FGF13: variants seen among roughly 807,000 people sequenced by gnomAD.
FGF13 encodes the protein fibroblast growth factor homologous factor 2.
FGF13 carries 2 observed loss-of-function variants against 19.5 expected under a neutral mutation model. The observed-to-expected ratio is 0.10, with a 90% CI of 0.04 to 0.32. The LOEUF is 0.32. Ranked by LOEUF, FGF13 falls within the 10% of genes least tolerant of loss-of-function variation. The pLI is 1.00. For synonymous variants in FGF13, 72 were observed against 76.9 expected (o/e 0.94, Z 0.33); for missense variants, 113 against 192.7 (o/e 0.59, Z 2.45).
At chrX:138,927,869 C>A (rs1384681185) in intron 1 of FGF13, among the ~76,000 whole-genome samples, 1 of 111,903 alleles carries the variant, frequency 8.9e-6, no homozygotes, top group Non-Finnish European at 1.9e-5. Flanking sequence ...TAAAATTTCA[C>A]ATCATTTTCC....
chrX:139,151,953 G>T (rs2083937556), intron 1 of FGF13, among the ~76,000 whole-genome samples: 1 of 111,525 alleles, frequency 9.0e-6, no homozygotes, highest in African/African-American at 3.3e-5. Context: ...AAATGTCATG[G>T]TATTAAAATG....
chrX:138,690,007 C>T, intron 3 of FGF13, among the ~76,000 whole-genome samples: 1 of 111,820 alleles, frequency 8.9e-6, no homozygotes, highest in Admixed American at 9.5e-5. Flanking sequence ...TAGAGGAGTA[C>T]AGAGAAACAT....
chrX:139,104,928 T>C (rs1603202711), intron 1 of FGF13, among the ~76,000 whole-genome samples: 1 of 111,727 alleles, frequency 9.0e-6, no homozygotes, highest in East Asian at 2.8e-4. Flanking sequence ...ACTCCACTCC[T>C]TTTACAGAGA....
intron 1 of FGF13, among the ~76,000 whole-genome samples, chrX:138,980,381 C>T (rs936284367): frequency 8.9e-6 from 1 of 111,841 alleles, no homozygotes; most frequent in Non-Finnish European, 1.9e-5. Flanking sequence ...CTTTCAAATT[C>T]TTAAGTAGAA....
chrX:138,706,250 CATA>C (rs1435091796), intron 2 of FGF13, among the ~76,000 whole-genome samples: 9 of 112,543 alleles, frequency 8.0e-5, no homozygotes, highest in African/African-American at 2.9e-4. Context: ...CCAGGGCAGA[CATA>C]ATAAAATTAC....
chrX:138,951,234 C>T (rs2091809620), intron 1 of FGF13, among the ~76,000 whole-genome samples: 2 of 111,525 alleles, frequency 1.8e-5, no homozygotes, highest in Non-Finnish European at 3.8e-5. Flanking sequence ...ACTCTGATAA[C>T]AATTATCTCA....
intron 3 of FGF13, among the ~76,000 whole-genome samples, chrX:138,637,412 A>T (rs2089196626): frequency 4.4e-5 from 5 of 112,423 alleles, no homozygotes; most frequent in Admixed American, 3.8e-4. Flanking sequence ...CCTTTCATAA[A>T]GAATCAAACC....
chrX:138,871,422 G>T (rs771345223), intron 1 of FGF13, among the ~76,000 whole-genome samples: 374 of 111,946 alleles, frequency 3.3e-3, no homozygotes, highest in Non-Finnish European at 5.3e-3. Context: ...ACATTTGAGG[G>T]TGGTGAGGAG....
In FGF13 at chrX:138,632,804, C is replaced by A; in HGVS notation, c.*46G>T. 1 of 1,171,843 alleles carries A rather than the reference C, an allele frequency of 8.5e-7. No homozygotes were observed. The highest frequency in any genetic ancestry group is 1.1e-6 in the Non-Finnish European group (1 of 870,355). ...GACTGCTAGAAGAATTCAACAGCAC[C>A]TGGAGGTAAGGTTCTGTTACAGAGC... On this transcript the variant is annotated 3_prime_UTR_variant, in exon 5 of 5. Transcript: ENST00000315930.
intron 1 of FGF13, among the ~76,000 whole-genome samples, chrX:139,146,184 C>T (rs1422303763): frequency 4.5e-5 from 5 of 111,718 alleles, no homozygotes; most frequent in Non-Finnish European, 7.5e-5. Flanking sequence ...GAACAGGCAA[C>T]CTACAGAATG....
At chrX:139,170,877 C>T (rs1446922898) in intron 1 of FGF13, among the ~76,000 whole-genome samples, 2 of 111,745 alleles carry the variant, frequency 1.8e-5, no homozygotes, top group Non-Finnish European at 1.9e-5. Flanking sequence ...CCTGACCTCC[C>T]GTCATTTCCC....
chrX:138,728,588 G>C (rs1275479015), intron 1 of FGF13, among the ~76,000 whole-genome samples: 2 of 110,686 alleles, frequency 1.8e-5, no homozygotes, highest in Middle Eastern at 4.2e-3. Flanking sequence ...CCACACTCTA[G>C]GCTTTACAAT....
intron 1 of FGF13, among the ~76,000 whole-genome samples, chrX:138,720,373 A>T (rs1301583077): frequency 1.8e-5 from 2 of 112,140 alleles, no homozygotes; most frequent in African/African-American, 3.2e-5. Context: ...AACCTTATGA[A>T]CTTATCTCCA....
chrX:139,078,052 T>TTTTG (rs747190110), intron 1 of FGF13, among the ~76,000 whole-genome samples: 4 of 110,835 alleles, frequency 3.6e-5, no homozygotes, highest in South Asian at 3.8e-4. Context: ...TGTGGTGGAT[T>TTTTG]TTTGTTTGTT....
At chrX:138,887,495 G>A (rs1401636407) in intron 1 of FGF13, among the ~76,000 whole-genome samples, 2 of 111,304 alleles carry the variant, frequency 1.8e-5, no homozygotes, top group East Asian at 5.7e-4. Context: ...ACCATGAAAA[G>A]AGCACTGGAC....
At chrX:139,041,007 A>G (rs2124403229) in intron 1 of FGF13, among the ~76,000 whole-genome samples, 1 of 100,153 alleles carries the variant, frequency 1.0e-5, no homozygotes, top group East Asian at 3.4e-4. Context: ...TTGAATGATA[A>G]GAACACATGG....
intron 2 of FGF13, among the ~76,000 whole-genome samples, chrX:138,859,816 G>A (rs1380092904): frequency 1.8e-5 from 2 of 112,270 alleles, no homozygotes; most frequent in Non-Finnish European, 3.8e-5. Flanking sequence ...TAAAAGTGCA[G>A]GATAATTGCT....
At chrX:138,721,896 C>A (rs1008395357) in intron 1 of FGF13, among the ~76,000 whole-genome samples, 3 of 110,085 alleles carry the variant, frequency 2.7e-5, no homozygotes, top group African/African-American at 9.9e-5. Flanking sequence ...TCATAACGTT[C>A]TGATCATATC....
intron 1 of FGF13, among the ~76,000 whole-genome samples, chrX:139,159,758 C>T (rs376406061): frequency 1.8e-5 from 2 of 109,365 alleles, no homozygotes; most frequent in Admixed American, 1.9e-4. Context: ...ATTACATAAT[C>T]GTAAAGGGAT....
Sources: allele counts gnomAD v4.1 joint callset (sites outside exome capture counted in the v4.1 genomes callset), GRCh38; gene constraint gnomAD v4.1.1; transcripts MANE v1.5; gene names NCBI Gene and HGNC (gene_info 2026-07-23, HGNC 2026-07-21).